The following NFIB variants were observed in gnomAD, a reference collection of about 807,000 sequenced individuals.
NFIB encodes nuclear factor I B.
A neutral mutation model predicts 61.5 loss-of-function variants in NFIB; 11 were observed. That is an observed-to-expected ratio of 0.18 (90% CI 0.11 to 0.30). NFIB has a LOEUF of 0.30. Ranked by LOEUF, NFIB falls within the 10% of genes least tolerant of loss-of-function variation. The pLI is 1.00. For synonymous variants in NFIB, 260 were observed against 216.5 expected (o/e 1.20, Z -1.76); for missense variants, 471 against 608.9 (o/e 0.77, Z 2.38).
At chr9:14,192,169 A>C (rs946699067) in intron 2 of NFIB, among the ~76,000 whole-genome samples, 14 of 152,204 alleles carry the variant, frequency 9.2e-5, no homozygotes, top group African/African-American at 3.4e-4. Context: ...ACAAGATCAA[A>C]TTCTTCTTGA....
intron 3 of NFIB, among the ~76,000 whole-genome samples, chr9:14,157,086 T>C (rs1318432538): frequency 6.6e-6 from 1 of 152,120 alleles, no homozygotes; most frequent in Non-Finnish European, 1.5e-5. Flanking sequence ...ACTTAACAAA[T>C]TGGAGACAAT....
chr9:14,523,392 C>G, the NFIB span, among the ~76,000 whole-genome samples: 1 of 152,028 alleles, frequency 6.6e-6, no homozygotes, highest in Non-Finnish European at 1.5e-5. Flanking sequence ...TACTCACTTT[C>G]CCACAAACCC....
At chr9:14,180,812 T>G (rs2046681568) in intron 2 of NFIB, 1 of 152,242 alleles carries the variant, frequency 6.6e-6, no homozygotes, top group Admixed American at 6.5e-5. Flanking sequence ...TGCACTAGGC[T>G]TGCAGTAAAC....
In NFIB at chr9:14,313,758, C is replaced by T; in HGVS notation, c.-247G>A. On this transcript the variant is annotated 5_prime_UTR_variant, in exon 1 of 11. Transcript: ENST00000380953. This position sits in a 1 kb window ranked among gnomAD's most constrained non-coding sequence, Gnocchi z 4.5. ...TCTACACTTTTAACCCTCTTGCAGTCCGAGCGCGCTGGCCGTGCTTGCCGA... is the reference window on the plus strand; with the variant it reads ...TCTACACTTTTAACCCTCTTGCAGTTCGAGCGCGCTGGCCGTGCTTGCCGA... 1 of 1,353,092 alleles carries T rather than the reference C, an allele frequency of 7.4e-7. No individual in the cohort carries two copies. Among genetic ancestry groups the T allele is most frequent in the Non-Finnish European group, 9.5e-7 (1 of 1,053,224 alleles). 83.8% of individuals were successfully genotyped at this position (1,353,092 alleles called of 1,614,324 possible).
Position 14,270,179 on chromosome 9 carries a change from G to A in NFIB, c.562+36810C>T, listed in dbSNP as rs1457514717. The stretch of plus-strand genomic sequence containing the variant: ...GAACACACTAAATCTGTCTGAATAA[G>A]GGAAAACAAAACTTTGTCTCCAAAG... On this transcript the variant is annotated intron_variant, in intron 2 of 10. Coordinates refer to ENST00000380953, the MANE Select transcript of NFIB (RefSeq NM_001190737.2). Among the ~76,000 whole-genome samples the A allele has an allele frequency of 2.0e-5, 3 of 152,004 alleles. No individual in the cohort carries two copies. In the South Asian group the frequency reaches 6.2e-4, roughly 32 times the overall value.
chr9:14,436,562 C>T, the NFIB span, among the ~76,000 whole-genome samples: 68 of 152,216 alleles, frequency 4.5e-4, no homozygotes, highest in Non-Finnish European at 8.4e-4. Flanking sequence ...CCTGCACATT[C>T]ACTGTCTTCT....
At chr9:14,277,153 C>G (rs2058056761) in intron 2 of NFIB, among the ~76,000 whole-genome samples, 1 of 152,096 alleles carries the variant, frequency 6.6e-6, no homozygotes, top group African/African-American at 2.4e-5. Context: ...ACTTACTCAT[C>G]TTTAAAATAA....
chr9:14,152,991 T>C (rs2043025370), intron 4 of NFIB, among the ~76,000 whole-genome samples: 1 of 152,042 alleles, frequency 6.6e-6, no homozygotes, highest in Non-Finnish European at 1.5e-5. Context: ...TTAACAACAA[T>C]ATATTACATA....
At chr9:14,389,532 G>A (rs1310973476) in intron 1 of NFIB, among the ~76,000 whole-genome samples, 4 of 152,100 alleles carry the variant, frequency 2.6e-5, no homozygotes, top group South Asian at 2.1e-4. Context: ...CATCTAAAAC[G>A]AAGCAGAAAT....
intron 6 of NFIB, among the ~76,000 whole-genome samples, chr9:14,136,377 C>G (rs905178746): frequency 7.9e-5 from 12 of 152,050 alleles, no homozygotes; most frequent in African/African-American, 2.7e-4. Context: ...CACCATGCCT[C>G]TCGGGAAAAC....
At chr9:14,112,463 A>G (rs2037520838) in intron 10 of NFIB, among the ~76,000 whole-genome samples, 1 of 152,242 alleles carries the variant, frequency 6.6e-6, no homozygotes, top group African/African-American at 2.4e-5. Context: ...AGAACCAAAA[A>G]AAAGTGTTTT....
At chr9:14,188,079 C>CT (rs1477366496) in intron 2 of NFIB, among the ~76,000 whole-genome samples, 2 of 152,188 alleles carry the variant, frequency 1.3e-5, no homozygotes, top group East Asian at 3.9e-4. Context: ...ACCTACAGTT[C>CT]TTGCTTTTGA....
chr9:14,377,040 C>A (rs551730965), intron 1 of NFIB, among the ~76,000 whole-genome samples: 56 of 152,236 alleles, frequency 3.7e-4, no homozygotes, highest in African/African-American at 1.3e-3. Flanking sequence ...TCACCTTTCA[C>A]CCCAAATTCT....
intron 8 of NFIB, among the ~76,000 whole-genome samples, chr9:14,117,874 G>A (rs942997835): frequency 2.0e-5 from 3 of 152,098 alleles, no homozygotes; most frequent in Admixed American, 2.0e-4. Flanking sequence ...CAAAATTGCT[G>A]TGGGGAGGAA....
chr9:14,494,026 G>A, the NFIB span, among the ~76,000 whole-genome samples: 1 of 152,186 alleles, frequency 6.6e-6, no homozygotes, highest in African/African-American at 2.4e-5. Flanking sequence ...TCTTCAAAAA[G>A]GTTCAGAGTT....
chr9:14,408,274 T>C, the NFIB span, among the ~76,000 whole-genome samples: 48 of 152,254 alleles, frequency 3.2e-4, no homozygotes, highest in African/African-American at 1.2e-3. Context: ...TTTTTATTTA[T>C]ACAGATATAC....
At position 14,247,726 on chromosome 9, in the gene NFIB, G is replaced by C. The variant is rs118016146; in HGVS notation, c.562+59263C>G. 3.7e-4 allele frequency among the ~76,000 whole-genome samples: 56 copies of C among 152,224 alleles called. 1 individual carries two copies. In the East Asian group the frequency reaches 0.011, roughly 29 times the overall value. On this transcript the variant is annotated intron_variant, in intron 2 of 10. Coordinates refer to ENST00000380953, the MANE Select transcript of NFIB (RefSeq NM_001190737.2). Reference sequence around the variant, plus strand: ...TGAAGATCAGAAATAAAATACAGAAGTACATGGCCCACTGCTTGGCATACA... The same window carrying C: ...TGAAGATCAGAAATAAAATACAGAACTACATGGCCCACTGCTTGGCATACA...
chr9:14,358,229 AAAT>A (rs2132937590), intron 1 of NFIB, among the ~76,000 whole-genome samples: 1 of 149,164 alleles, frequency 6.7e-6, no homozygotes, highest in South Asian at 2.1e-4. Flanking sequence ...ATACTATATA[AAAT>A]AATTTTATAT....
chr9:14,292,738 A>G (rs1372495937), intron 2 of NFIB, among the ~76,000 whole-genome samples: 2 of 152,234 alleles, frequency 1.3e-5, no homozygotes, highest in African/African-American at 4.8e-5. Flanking sequence ...GAATCTCTAC[A>G]TCAGTAAACA....
Sources: allele counts gnomAD v4.1 joint callset (sites outside exome capture counted in the v4.1 genomes callset), GRCh38; gene constraint gnomAD v4.1.1; non-coding constraint Gnocchi (gnomAD v3.1); transcripts MANE v1.5; gene names NCBI Gene and HGNC (gene_info 2026-07-23, HGNC 2026-07-21).